The following PIGB variants were observed in gnomAD, a reference collection of about 807,000 sequenced individuals.
The protein encoded by PIGB is phosphatidylinositol glycan anchor biosynthesis class B, also known as GPI alpha-1,2-mannosyltransferase 3.
Under a neutral mutation model 68.4 loss-of-function variants are expected in PIGB, and 58 were observed. The ratio of observed to expected loss-of-function variants is 0.85; its 90% confidence interval spans 0.69 to 1.06. PIGB has a LOEUF of 1.06. PIGB is among the 50% of genes least tolerant of loss of function. PIGB has a pLI of 0.00. For synonymous variants in PIGB, 219 were observed against 220.5 expected, an observed-to-expected ratio of 0.99 and a Z score of 0.06; for missense variants, 634 against 655.8, an observed-to-expected ratio of 0.97 and a Z score of 0.36.
intron 3 of PIGB, among the ~76,000 whole-genome samples, chr15:55,322,997 C>G (rs1392516277): frequency 2.6e-5 from 4 of 152,144 alleles, no homozygotes; most frequent in Non-Finnish European, 5.9e-5. Flanking sequence ...CAAGACCTAT[C>G]CACTGCCCTC....
intron 1 of PIGB, 136 bp from the exon 2 acceptor site, chr15:55,320,139 T>C: frequency 1.6e-6 from 1 of 620,774 alleles, no homozygotes; most frequent in East Asian, 3.0e-5. Context: ...CCAAGTTGGC[T>C]TTAAGAATGG....
At chr15:55,320,496 G>A in intron 2 of PIGB, 86 bp downstream of exon 2, 1 of 1,271,852 alleles carries the variant, frequency 7.9e-7, no homozygotes, top group Non-Finnish European at 1.1e-6. Flanking sequence ...AGTCCCCCTT[G>A]CTCCCTCGTC....
intron 10 of PIGB, among the ~76,000 whole-genome samples, chr15:55,352,775 C>A (rs910454611): frequency 6.6e-6 from 1 of 152,142 alleles, no homozygotes; most frequent in African/African-American, 2.4e-5. Context: ...TAAATAAATA[C>A]ATAAAATCTA....
intron 6 of PIGB, among the ~76,000 whole-genome samples, chr15:55,337,724 G>A (rs974385654): frequency 2.0e-5 from 3 of 152,168 alleles, no homozygotes; most frequent in Non-Finnish European, 4.4e-5. Context: ...CAAAAGATGT[G>A]TAAAAGAATG....
intron 6 of PIGB, 100 bp from the exon 7 acceptor site, chr15:55,339,167 T>A: frequency 1.3e-6 from 1 of 772,746 alleles, no homozygotes. Flanking sequence ...AAAGCATTTT[T>A]ATAGTGGCTT....
rs1015014954 is a variant in PIGB at position 55,319,407 on chromosome 15, C to T, written c.157C>T (p.Arg53Cys). The change falls in exon 1 of 12, where the codon CGC (arginine) becomes TGC (cysteine). Residue 53 changes from arginine (R) to cysteine (C), a missense_variant. Coordinates refer to ENST00000164305, the MANE Select transcript of PIGB (RefSeq NM_004855.5). ...CACCCAGGAGAAGAGCGCCAGGCGC[C>T]GCGGGGGTGAGTGAGGGGACACTGT... The part of the protein sequence containing the change: ...FNTQEKSARR[R>C]GDLLGENIYL... 9 of 1,551,602 alleles carry T rather than the reference C, an allele frequency of 5.8e-6. No homozygotes were observed. The highest frequency in any genetic ancestry group is 1.4e-5 in the African/African-American group (1 of 73,072).
Position 55,321,383 on chromosome 15 carries a change from A to G in PIGB, c.410A>G (p.Gln137Arg), listed in dbSNP as rs992064695. The G allele has an allele frequency of 5.0e-6, 8 of 1,591,914 alleles. No homozygotes were observed. Among genetic ancestry groups the G allele is most frequent in the African/African-American group, 2.7e-5 (2 of 74,304 alleles). The change falls in exon 3 of 12, where the codon CAG (glutamine) becomes CGG (arginine). Residue 137 changes from glutamine (Q) to arginine (R), a missense_variant. By Grantham distance (43) the Gln-to-Arg change is conservative. Transcript: ENST00000164305. The stretch of plus-strand genomic sequence containing the variant: ...CATCTTTTAGGGAAAGATAGTGTTC[A>G]GTTGCTGGTAAGTTTAAATAAAAGT... Reference protein sequence around the residue: ...ILHLLGKDSVQLLIWIPRLAQ... With the variant: ...ILHLLGKDSVRLLIWIPRLAQ...
intron 9 of PIGB, among the ~76,000 whole-genome samples, chr15:55,344,916 G>A (rs1284731229): frequency 1.9e-5 from 2 of 102,744 alleles, no homozygotes; most frequent in Non-Finnish European, 3.7e-5. Flanking sequence ...TTTTTTTTGA[G>A]ACAGAGTCTC....
Position 55,340,756 on chromosome 15 carries a change from T to A in PIGB, c.991T>A (p.Cys331Ser). ...TCACTTACCCTTCTTTATTCATGGC[T>A]GCTATCTAGCACCAAAGAGATACCG... ...GTHLPFFIHG[C>S]YLAPKRYRIL... The change falls in exon 8 of 12, where the codon TGC becomes AGC. Residue 331 changes from cysteine to serine, a missense_variant. Coordinates refer to ENST00000164305, the MANE Select transcript of PIGB (RefSeq NM_004855.5). 6.2e-7 allele frequency: 1 copy of A among 1,611,520 alleles called. No homozygotes were observed.
At chr15:55,354,460 T>C (rs886170855) in intron 10 of PIGB, 1 of 204,078 alleles carries the variant, frequency 4.9e-6, no homozygotes, top group African/African-American at 2.3e-5. Flanking sequence ...ACAAGTTAAC[T>C]TACCTGGTCC....
At chr15:55,331,266 A>T (rs189520904) in intron 5 of PIGB, among the ~76,000 whole-genome samples, 2 of 152,298 alleles carry the variant, frequency 1.3e-5, no homozygotes, top group East Asian at 3.9e-4. Flanking sequence ...TAGATTGGCT[A>T]CCTGGGCCCA....
intron 7 of PIGB, 138 bp from the exon 8 acceptor site, chr15:55,340,474 A>AAAATT (rs949043321): frequency 1.9e-6 from 1 of 523,262 alleles, no homozygotes; most frequent in African/African-American, 2.0e-5. Context: ...AAAAAAAAAA[A>AAAATT]AATTATTAAT....
intron 2 of PIGB, 72 bp downstream of exon 2, chr15:55,320,482 G>C: frequency 6.9e-7 from 1 of 1,442,304 alleles, no homozygotes; most frequent in East Asian, 2.3e-5. Context: ...GTTTCTTTTA[G>C]AGTAGTCCCC....
At position 55,350,903 on chromosome 15, in the gene PIGB, C is replaced by A; in HGVS notation, c.1328C>A (p.Pro443His). Residue 443 changes from proline to histidine, a missense_variant, in exon 10 of 12, where the codon CCT (proline) becomes CAT (histidine). Transcript: ENST00000164305. ...ATAATGATGCCTTGCCACTCTACTC[C>A]TTATTACAGGTAATAAAAGATGTTC... ...IFIMMPCHSTPYYSHVHCPLP... is the reference protein window; with the variant it reads ...IFIMMPCHSTHYYSHVHCPLP... The A allele has an allele frequency of 1.3e-6, 2 of 1,538,964 alleles. No individual in the cohort carries two copies. Among genetic ancestry groups the A allele is most frequent in the Non-Finnish European group, 1.8e-6 (2 of 1,114,782 alleles).
rs759110806 is a variant in PIGB, at chr15:55,319,372, T to G, written c.122T>G (p.Leu41Trp). 6.4e-7 allele frequency: 1 copy of G among 1,555,606 alleles called. No individual in the cohort carries two copies. The highest frequency in any genetic ancestry group is 8.7e-7 in the Non-Finnish European group (1 of 1,148,958). ...KIKLRKRKST[L>W]YFNTQEKSAR... ...AAGCTGCGAAAGAGAAAGTCTACCT[T>G]GTACTTCAACACCCAGGAGAAGAGC... The change falls in exon 1 of 12, where the codon TTG becomes TGG. Residue 41 changes from leucine (L) to tryptophan (W), a missense_variant. By Grantham distance (61) the Leu-to-Trp change is moderately conservative (BLOSUM62 -2). Transcript: ENST00000164305.
intron 9 of PIGB, chr15:55,346,429 C>T (rs2055796336): frequency 6.6e-6 from 1 of 152,176 alleles, no homozygotes; most frequent in South Asian, 2.1e-4. Flanking sequence ...CATCTAGTCC[C>T]ATTCCCCAGA....
At chr15:55,335,224 G>A (rs1205544553) in intron 6 of PIGB, among the ~76,000 whole-genome samples, 1 of 152,230 alleles carries the variant, frequency 6.6e-6, no homozygotes, top group African/African-American at 2.4e-5. Flanking sequence ...TAATGATGCA[G>A]TTCTCAGAAT....
chr15:55,354,729 C>T (rs1383173459), intron 10 of PIGB, 69 bp from the exon 11 acceptor site: 2 of 1,208,924 alleles, frequency 1.7e-6, no homozygotes, highest in African/African-American at 3.1e-5. Flanking sequence ...GTATAAATGA[C>T]ATATCTTAAG....
rs1167115990 is a variant in PIGB, at chr15:55,329,708, C to G, written c.523-16C>G. The G allele has an allele frequency of 1.9e-6, 3 of 1,601,578 alleles. No homozygotes were observed. In the South Asian group the frequency reaches 3.3e-5, roughly 18 times the overall value. ...ATTTCCAATTTCATATATGTTTGCT[C>G]TGTACTTTTTCTTAGTTTTTTTGCC... On this transcript the variant is annotated splice_polypyrimidine_tract_variant and intron_variant, in intron 4 of 11. Coordinates refer to ENST00000164305, the MANE Select transcript of PIGB (RefSeq NM_004855.5).
Sources: allele counts gnomAD v4.1 joint callset (sites outside exome capture counted in the v4.1 genomes callset), GRCh38; gene constraint gnomAD v4.1.1; transcripts MANE v1.5; gene names NCBI Gene and HGNC (gene_info 2026-07-23, HGNC 2026-07-21).